The following VWA8 variants were observed in gnomAD, a reference collection of about 807,000 sequenced individuals.
VWA8 encodes von Willebrand factor A domain-containing protein 8.
Under a neutral mutation model 241.5 loss-of-function variants are expected in VWA8, and 221 were observed. The ratio of observed to expected loss-of-function variants is 0.91; its 90% CI spans 0.82 to 1.02. VWA8 has a LOEUF of 1.02. Ranked by LOEUF, VWA8 falls within the 50% of genes least tolerant of loss-of-function variation. The pLI, the probability that VWA8 is intolerant of heterozygous loss-of-function variation, is 0.00. For synonymous variants in VWA8, 852 were observed against 827.1 expected, an observed-to-expected ratio of 1.03 and a Z score of -0.52; for missense variants, 2,322 against 2,328.7, an observed-to-expected ratio of 1.00 and a Z score of 0.06.
At chr13:41,572,719 G>A (rs2044316048) in intron 43 of VWA8, among the ~76,000 whole-genome samples, 1 of 146,612 alleles carries the variant, frequency 6.8e-6, no homozygotes, top group South Asian at 2.2e-4. Context: ...TTTATCTGCT[G>A]ACCTTCCCTC....
intron 44 of VWA8, among the ~76,000 whole-genome samples, chr13:41,568,795 T>A (rs1170047192): frequency 6.6e-6 from 1 of 152,236 alleles, no homozygotes; most frequent in Non-Finnish European, 1.5e-5. Flanking sequence ...TCTCTCTTTT[T>A]TTTGGTCCAC....
intron 37 of VWA8, among the ~76,000 whole-genome samples, chr13:41,668,444 A>G (rs2045001166): frequency 1.3e-5 from 2 of 152,286 alleles, no homozygotes; most frequent in Non-Finnish European, 1.5e-5. Context: ...TCTTTTTTCA[A>G]TACTTCTATG....
chr13:41,769,919 A>C (rs1296471342), intron 20 of VWA8, among the ~76,000 whole-genome samples: 2 of 152,234 alleles, frequency 1.3e-5, no homozygotes, highest in African/African-American at 4.8e-5. Flanking sequence ...AACACGGATC[A>C]CAACAATTTT....
intron 37 of VWA8, among the ~76,000 whole-genome samples, chr13:41,652,625 A>G (rs1032055770): frequency 2.0e-5 from 3 of 152,208 alleles, no homozygotes; most frequent in African/African-American, 7.2e-5. Flanking sequence ...TATAAAAAAA[A>G]AGAAATTAAG....
intron 13 of VWA8, among the ~76,000 whole-genome samples, chr13:41,833,156 G>A (rs1165451153): frequency 2.0e-5 from 3 of 151,948 alleles, no homozygotes; most frequent in Non-Finnish European, 2.9e-5. Context: ...TCTGCTACAG[G>A]AGTGGCTTTT....
At position 41,868,575 on chromosome 13, in the gene VWA8, T is replaced by G. The variant is rs1873425180; in HGVS notation, c.1081-98A>C. On this transcript the variant is annotated intron_variant, in intron 9 of 44. Transcript: ENST00000379310. ...ACCTTAATTACAAGTGAAATCCATT[T>G]TATATTATTATATAAAAGTAGAGGT... 3.0e-6 allele frequency: 4 copies of G among 1,350,318 alleles called. No individual in the cohort carries two copies. In the East Asian group the frequency reaches 1.0e-4, roughly 35 times the overall value. 83.6% of individuals were successfully genotyped at this position (1,350,318 alleles called of 1,614,324 possible).
At chr13:41,656,137 C>T (rs977090075) in intron 37 of VWA8, among the ~76,000 whole-genome samples, 1 of 152,030 alleles carries the variant, frequency 6.6e-6, no homozygotes, top group Non-Finnish European at 1.5e-5. Context: ...AACTTGTTTC[C>T]GATATTGTGT....
intron 12 of VWA8, 33 bp downstream of exon 12, chr13:41,865,703 T>C (rs181762227): frequency 4.3e-6 from 7 of 1,609,996 alleles, no homozygotes; most frequent in Admixed American, 1.7e-5. Flanking sequence ...TATATGCTTA[T>C]AGTCCAAGTG....
chr13:41,749,221 A>C (rs1263797259), intron 21 of VWA8, among the ~76,000 whole-genome samples: 4 of 152,276 alleles, frequency 2.6e-5, no homozygotes, highest in Non-Finnish European at 5.9e-5. Flanking sequence ...TCTCAAAAGA[A>C]GACATTTATG....
intron 20 of VWA8, among the ~76,000 whole-genome samples, chr13:41,769,231 G>A (rs1447561225): frequency 1.3e-5 from 2 of 152,186 alleles, no homozygotes; most frequent in African/African-American, 4.8e-5. Context: ...GAGATAACTG[G>A]GGAAAGCTGA....
chr13:41,900,889 T>A (rs571784693), intron 4 of VWA8, among the ~76,000 whole-genome samples: 2 of 152,310 alleles, frequency 1.3e-5, no homozygotes, highest in African/African-American at 4.8e-5. Context: ...AGAATCGGAT[T>A]GATTTTTGGT....
chr13:41,589,112 C>A (rs762101855), intron 41 of VWA8, among the ~76,000 whole-genome samples: 3 of 151,942 alleles, frequency 2.0e-5, no homozygotes, highest in Non-Finnish European at 4.4e-5. Flanking sequence ...GTCACTGCAC[C>A]CCCAGCTCTC....
chr13:41,646,481 G>T (rs987407392), intron 37 of VWA8, among the ~76,000 whole-genome samples: 1 of 152,176 alleles, frequency 6.6e-6, no homozygotes, highest in Non-Finnish European at 1.5e-5. Context: ...GGAAACTAAG[G>T]CTTAGAGATG....
At chr13:41,632,165 T>C (rs1347783649) in intron 37 of VWA8, among the ~76,000 whole-genome samples, 1 of 152,232 alleles carries the variant, frequency 6.6e-6, no homozygotes, top group Non-Finnish European at 1.5e-5. Flanking sequence ...AAGGTGGTCC[T>C]GGCAAAAGAC....
chr13:41,840,321 G>C (rs191169833), intron 12 of VWA8, among the ~76,000 whole-genome samples: 1 of 152,058 alleles, frequency 6.6e-6, no homozygotes, highest in African/African-American at 2.4e-5. Context: ...TGGGGATGGC[G>C]GGGCTAGAGG....
chr13:41,703,271 A>G (rs755685955), intron 27 of VWA8, 32 bp downstream of exon 27: 4 of 1,560,882 alleles, frequency 2.6e-6, no homozygotes, highest in East Asian at 2.2e-5. Flanking sequence ...ATAAGGTTCA[A>G]TATTTTAAGA....
At position 41,792,860 on chromosome 13, in the gene VWA8, C is replaced by T. The variant is rs192003463; in HGVS notation, c.2064-5317G>A. Among the ~76,000 whole-genome samples, 722 of 151,962 alleles carry T rather than the reference C, an allele frequency of 4.8e-3. 7 individuals are homozygous for T. Among genetic ancestry groups the T allele is most frequent in the Non-Finnish European group, 7.9e-3 (539 of 67,862 alleles). On this transcript the variant is annotated intron_variant, in intron 17 of 44. Transcript: ENST00000379310. The stretch of plus-strand genomic sequence containing the variant: ...AATGAAATTTTTAAAAATTATATTT[C>T]CTTATTGATTGTTACTGGAGTATAG...
At chr13:41,573,486 A>ATATATAT (rs1555303592) in intron 43 of VWA8, among the ~76,000 whole-genome samples, 3 of 113,600 alleles carry the variant, frequency 2.6e-5, no homozygotes, top group East Asian at 5.3e-4. Context: ...AAAAAAAAAA[A>ATATATAT]ATATATATAT....
Position 41,811,050 on chromosome 13 carries a change from A to G in VWA8, c.2063+175T>C, listed in dbSNP as rs145437740. Among the ~76,000 whole-genome samples, 8 of 152,278 alleles carry G rather than the reference A, an allele frequency of 5.3e-5. No homozygotes were observed. The South Asian group carries it at 8.3e-4, about 16-fold the overall frequency. On this transcript the variant is annotated intron_variant, in intron 17 of 44. Coordinates refer to ENST00000379310, the MANE Select transcript of VWA8 (RefSeq NM_015058.2). ...GATGCTGGGACCAAAAATTAATTTT[A>G]AAAGATAATATGTTGTATTAAATAA...
Sources: gnomAD v4.1 joint callset for allele counts (sites outside exome capture counted in the v4.1 genomes callset) on GRCh38, gnomAD v4.1.1 for gene constraint, MANE v1.5 for transcripts, NCBI Gene and HGNC (gene_info 2026-07-23, HGNC 2026-07-21) for gene names.